The following BCAS3 variants were observed in gnomAD, a reference collection of about 807,000 sequenced individuals.
BCAS3 encodes the protein BCAS3 microtubule associated cell migration factor.
BCAS3 carries 53 observed loss-of-function variants against 116.1 expected under a neutral mutation model. The ratio of observed to expected loss-of-function variants is 0.46; its 90% CI spans 0.37 to 0.57. The LOEUF (loss-of-function observed/expected upper bound fraction) is 0.57, where lower values mean the gene tolerates loss of function less well. BCAS3 is among the 20% of genes least tolerant of loss of function. The pLI is 0.00. For missense variants in BCAS3, 917 were observed against 1,165.4 expected (o/e 0.79, Z 3.10); for synonymous variants, 391 against 408.2 (o/e 0.96, Z 0.51).
At chr17:60,881,038 G>A (rs900059084) in intron 9 of BCAS3, among the ~76,000 whole-genome samples, 2 of 151,978 alleles carry the variant, frequency 1.3e-5, no homozygotes, top group Admixed American at 1.3e-4. Context: ...GCAGTGGTGC[G>A]ATCTCAGCTC....
In BCAS3 at chr17:61,023,917, A is replaced by G. The variant is rs1451196313; in HGVS notation, c.1637+8016A>G. 1.3e-5 allele frequency among the ~76,000 whole-genome samples: 2 copies of G among 152,214 alleles called. No homozygotes were observed. Among genetic ancestry groups the G allele is most frequent in the Non-Finnish European group, 2.9e-5 (2 of 68,026 alleles). ...TATTTGTTAAGCCTGCTAAAATTTA[A>G]TGGTGATTGGAAAACACCAATTATT... On this transcript the variant is annotated intron_variant, in intron 16 of 23. Transcript: ENST00000407086. The surrounding 1 kb of genome is among the most constrained non-coding windows in gnomAD (Gnocchi z 4.8).
At chr17:60,890,752 T>A (rs967685506) in intron 10 of BCAS3, among the ~76,000 whole-genome samples, 1 of 152,212 alleles carries the variant, frequency 6.6e-6, no homozygotes, top group Admixed American at 6.5e-5. Flanking sequence ...TAGAATGAAA[T>A]CTTCTAAAAG....
At chr17:60,903,190 AG>A (rs1356956510) in intron 11 of BCAS3, among the ~76,000 whole-genome samples, 1 of 152,176 alleles carries the variant, frequency 6.6e-6, no homozygotes, top group East Asian at 1.9e-4. Context: ...AGAATTGTGA[AG>A]TATACAACAA....
intron 22 of BCAS3, among the ~76,000 whole-genome samples, chr17:61,318,789 G>A (rs1256465771): frequency 1.3e-5 from 2 of 152,192 alleles, no homozygotes; most frequent in East Asian, 3.9e-4. Context: ...GTCCCATCAT[G>A]TTAAATGTTA....
At chr17:60,838,445 A>G (rs956603626) in intron 7 of BCAS3, among the ~76,000 whole-genome samples, 3 of 151,850 alleles carry the variant, frequency 2.0e-5, no homozygotes, top group Non-Finnish European at 2.9e-5. Context: ...AGTAGTGGGG[A>G]TTAGGCTGAT....
At chr17:61,062,512 G>A (rs2070167777) in intron 19 of BCAS3, among the ~76,000 whole-genome samples, 1 of 152,148 alleles carries the variant, frequency 6.6e-6, no homozygotes, top group South Asian at 2.1e-4. Context: ...GTGATTTAAT[G>A]TACATACAGT....
intron 5 of BCAS3, among the ~76,000 whole-genome samples, chr17:60,735,335 A>G (rs1426957190): frequency 2.6e-5 from 4 of 151,928 alleles, no homozygotes; most frequent in Non-Finnish European, 5.9e-5. Context: ...TGTATTAGCT[A>G]GGGTCATGTT....
chr17:61,171,367 G>GA lies in BCAS3; in HGVS notation c.2425+86810dup, dbSNP rs71148385. 0.66 allele frequency among the ~76,000 whole-genome samples: 100,411 copies of GA among 151,892 alleles called. 36,196 individuals carry two copies. Among genetic ancestry groups the GA allele is most frequent in the South Asian group, 0.85 (4,104 of 4,818 alleles). ...CAAAACAACACATGGGAACCAAAAAGAAAAAAATGGAACAAAGAATAAATG... is the reference window on the plus strand; with the variant it reads ...CAAAACAACACATGGGAACCAAAAAGAAAAAAAATGGAACAAAGAATAAATG... On this transcript the variant is annotated intron_variant, in intron 22 of 23. Coordinates refer to ENST00000407086, the MANE Select transcript of BCAS3 (RefSeq NM_017679.5). This position sits in a 1 kb window ranked among gnomAD's most constrained non-coding sequence, Gnocchi z 4.1.
intron 5 of BCAS3, among the ~76,000 whole-genome samples, chr17:60,732,817 G>A (rs1367245501): frequency 2.0e-5 from 3 of 152,100 alleles, no homozygotes; most frequent in South Asian, 2.1e-4. Flanking sequence ...CCAGCCTGGC[G>A]ACAGAGCGAG....
At chr17:60,869,064 A>C (rs8067208) in intron 8 of BCAS3, among the ~76,000 whole-genome samples, 43,461 of 152,118 alleles carry the variant, frequency 0.29, 9,928 homozygotes, top group African/African-American at 0.64. Flanking sequence ...GCTGTGAGAA[A>C]CCACCAAAAT....
intron 7 of BCAS3, among the ~76,000 whole-genome samples, chr17:60,844,126 C>T (rs1201217528): frequency 6.6e-6 from 1 of 152,174 alleles, no homozygotes; most frequent in South Asian, 2.1e-4. Context: ...TGCGCCACCA[C>T]ACCCAGCTAA....
chr17:61,368,197 G>A lies in BCAS3; in HGVS notation c.2426-130G>A, dbSNP rs183001357. The A allele has an allele frequency of 5.1e-5, 48 of 943,798 alleles. No individual in the cohort carries two copies. The highest frequency in any genetic ancestry group is 5.7e-5 in the South Asian group (3 of 52,754). The allele number at this position is 943,798 out of a possible 1,614,324, so 58.5% of individuals were successfully genotyped here. A position where few individuals can be genotyped will look rare whatever the true frequency, so the allele number is the denominator to read the frequency against. On this transcript the variant is annotated intron_variant, in intron 22 of 23. Coordinates refer to ENST00000407086, the MANE Select transcript of BCAS3 (RefSeq NM_017679.5). This position sits in a 1 kb window ranked among gnomAD's most constrained non-coding sequence, Gnocchi z 6.0. ...CTCCTGCGCTACCCAGTCTGTTGGCGGCGTGCTTCCATCCTACAGGAAGGC... is the reference window on the plus strand; with the variant it reads ...CTCCTGCGCTACCCAGTCTGTTGGCAGCGTGCTTCCATCCTACAGGAAGGC...
At chr17:60,727,264 C>T in intron 5 of BCAS3, 1 of 1,059,338 alleles carries the variant, frequency 9.4e-7, no homozygotes, top group Non-Finnish European at 1.5e-6. Context: ...TGCAGTTAGG[C>T]TCAACACATT....
Position 61,196,633 on chromosome 17 carries a change from A to G in BCAS3, c.2425+112069A>G, listed in dbSNP as rs986952781. On this transcript the variant is annotated intron_variant, in intron 22 of 23. Transcript: ENST00000407086. This position sits in a 1 kb window ranked among gnomAD's most constrained non-coding sequence, Gnocchi z 4.7. ...CATAGACTTCCGATTCGAATTAGAAATGAAAAGAGGAGAGGAAAGGGAAAA... is the reference window on the plus strand; with the variant it reads ...CATAGACTTCCGATTCGAATTAGAAGTGAAAAGAGGAGAGGAAAGGGAAAA... 1.3e-5 allele frequency among the ~76,000 whole-genome samples: 2 copies of G among 152,222 alleles called. No individual in the cohort carries two copies. The highest frequency in any genetic ancestry group is 4.8e-5 in the African/African-American group (2 of 41,454).
rs559486258 is a variant in BCAS3, at chr17:61,274,992, A to G, written c.2426-93335A>G. ...TCAGCATTTGAGTAGCTGAGACCAC[A>G]GATGAACGCCACCATACTTCACTAA... On this transcript the variant is annotated intron_variant, in intron 22 of 23. Transcript: ENST00000407086. Among the ~76,000 whole-genome samples, 7 of 152,232 alleles carry G rather than the reference A, an allele frequency of 4.6e-5. No individual in the cohort carries two copies. The East Asian group carries it at 1.2e-3, about 25-fold the overall frequency.
chr17:61,045,823 T>TCTCTC (rs2068003623), intron 19 of BCAS3, among the ~76,000 whole-genome samples: 3 of 34,624 alleles, frequency 8.7e-5, no homozygotes, highest in African/African-American at 7.8e-4. Flanking sequence ...TCATCTCTCT[T>TCTCTC]TCTCTCTCTC....
chr17:61,369,160 T>C lies in BCAS3; in HGVS notation c.2593+666T>C, dbSNP rs568709403. 1.2e-4 allele frequency among the ~76,000 whole-genome samples: 18 copies of C among 152,344 alleles called. No homozygotes were observed. The South Asian group carries it at 3.5e-3, about 30-fold the overall frequency. ...TCATCCATCTCCAGTACAGCTGTAA[T>C]ACAGCCTGCCTCTTCTTTCCAAAAC... On this transcript the variant is annotated intron_variant, in intron 23 of 23. Transcript: ENST00000407086.
At position 60,874,524 on chromosome 17, in the gene BCAS3, T is replaced by C. The variant is rs1397631758; in HGVS notation, c.585-138T>C. On this transcript the variant is annotated intron_variant, in intron 8 of 23. Transcript: ENST00000407086. ...AGGCAGAAGTTTCTAGCCTAAATAT[T>C]ATAGGAAATGTTTAATTTTAAAATT... 4 of 561,158 alleles carry C rather than the reference T, an allele frequency of 7.1e-6. No homozygotes were observed. In the African/African-American group the frequency reaches 7.7e-5, roughly 11 times the overall value. The allele number at this position is 561,158 out of a possible 1,614,324, so 34.8% of individuals were successfully genotyped here.
intron 22 of BCAS3, among the ~76,000 whole-genome samples, chr17:61,184,039 G>T (rs781710515): frequency 6.6e-6 from 1 of 152,180 alleles, no homozygotes; most frequent in Non-Finnish European, 1.5e-5. Flanking sequence ...ACACTGTTGA[G>T]ACTGGCTTGT....
Sources: allele counts gnomAD v4.1 joint callset (sites outside exome capture counted in the v4.1 genomes callset), GRCh38; gene constraint gnomAD v4.1.1; non-coding constraint Gnocchi (gnomAD v3.1); transcripts MANE v1.5; gene names NCBI Gene and HGNC (gene_info 2026-07-23, HGNC 2026-07-21).